LSM14B: variants seen among roughly 807,000 people sequenced by gnomAD.
LSM14B encodes LSM family member 14B.
LSM14B carries 8 observed loss-of-function variants against 42.1 expected under a neutral mutation model. The observed-to-expected ratio is 0.19, with a 90% CI of 0.11 to 0.34. The LOEUF (loss-of-function observed/expected upper bound fraction) is 0.34, where lower values mean the gene tolerates loss of function less well. LSM14B is among the 10% of genes least tolerant of loss of function. The probability of loss-of-function intolerance (pLI) is 1.00; values close to 1 mark genes in which losing one functional copy is unlikely to be tolerated. For missense variants in LSM14B, 396 were observed against 513.1 expected, an observed-to-expected ratio of 0.77 and a Z score of 2.21; for synonymous variants, 219 against 209.7, an observed-to-expected ratio of 1.04 and a Z score of -0.38.
rs139247673 is a variant in LSM14B, at chr20:62,129,916, G to A, written c.559G>A (p.Gly187Ser). Residue 187 changes from glycine (G) to serine (S), a missense_variant, in exon 4 of 9, where the codon GGT becomes AGT. This residue lies in a region of LSM14B where 274 missense variants were observed against 335.8 expected (regional missense o/e 0.82). Transcript: ENST00000279068. ...GKGTTGTQLN[G>S]RQAQPSSKTA... ...GGGCACCACAGGGACGCAGCTCAACGGTCGTCAGGCCCAGCCGAGCAGCAA... is the reference window on the plus strand; with the variant it reads ...GGGCACCACAGGGACGCAGCTCAACAGTCGTCAGGCCCAGCCGAGCAGCAA... The A allele has an allele frequency of 6.6e-3, 10,655 of 1,613,354 alleles. 273 individuals are homozygous for A. The Admixed American group carries it at 0.077, about 12-fold the overall frequency.
At chr20:62,123,008 G>A (rs1280424004) in intron 1 of LSM14B, 7 of 275,410 alleles carry the variant, frequency 2.5e-5, no homozygotes, top group Admixed American at 1.1e-4. Context: ...CCCCAGCGTA[G>A]CCGGCCGCAC....
In LSM14B at chr20:62,130,592, A is replaced by G; in HGVS notation, c.736A>G (p.Thr246Ala). Residue 246 changes from threonine (T) to alanine (A), a missense_variant, in exon 6 of 9, where the codon ACA becomes GCA. Physicochemically the swap from Thr to Ala is moderately conservative, Grantham distance 58. Around this residue, in one of 3 missense-constraint regions of LSM14B, gnomAD observed 274 missense variants for 335.8 expected, o/e 0.82. Coordinates refer to ENST00000279068, the MANE Select transcript of LSM14B (RefSeq NM_144703.3). The surrounding 1 kb of genome is among the most constrained non-coding windows in gnomAD (Gnocchi z 4.1). ...CCGTCCAACTAACGTTAAGGAAAAC[A>G]CAATCAAATTTGAGGGTGACTTTGA... is the stretch of plus-strand genomic sequence containing the variant. The part of the protein sequence containing the change: ...QNRPTNVKEN[T>A]IKFEGDFDFE... The G allele has an allele frequency of 1.9e-6, 3 of 1,614,012 alleles. No individual in the cohort carries two copies. In the South Asian group the frequency reaches 3.3e-5, roughly 18 times the overall value.
In LSM14B at chr20:62,126,294, C is replaced by G; in HGVS notation, c.292-10C>G. ...CCTTCGCCGTTCTCACCCGATGTCT[C>G]GTTGTTCAGTCTTCCCTGGGTTCTG... is the stretch of plus-strand genomic sequence containing the variant. On this transcript the variant is annotated splice_polypyrimidine_tract_variant and intron_variant, in intron 2 of 8. Coordinates refer to ENST00000279068, the MANE Select transcript of LSM14B (RefSeq NM_144703.3). The G allele has an allele frequency of 6.2e-7, 1 of 1,613,962 alleles. No homozygotes were observed. The highest frequency in any genetic ancestry group is 8.5e-7 in the Non-Finnish European group (1 of 1,179,902).
At chr20:62,128,497 T>A (rs1405424213) in intron 3 of LSM14B, among the ~76,000 whole-genome samples, 4 of 152,218 alleles carry the variant, frequency 2.6e-5, no homozygotes, top group Admixed American at 6.5e-5. Context: ...TAGTCTTTTT[T>A]TTTCCCCCAC....
chr20:62,126,172 G>C (rs971918183), intron 2 of LSM14B, 132 bp from the exon 3 acceptor site: 1 of 1,361,736 alleles, frequency 7.3e-7, no homozygotes, highest in African/African-American at 1.4e-5. Flanking sequence ...GCACCCCAAG[G>C]GCTCCTCCAG....
rs2056849834 is a variant in LSM14B, at chr20:62,134,337, T to C, written c.*189T>C. ...ATGGTCTGAGTTAGAACCACTTGTT[T>C]TGGGGAAGTATTCATGGGTAACCTC... is the stretch of plus-strand genomic sequence containing the variant. On this transcript the variant is annotated 3_prime_UTR_variant, in exon 9 of 9. Coordinates refer to ENST00000279068, the MANE Select transcript of LSM14B (RefSeq NM_144703.3). 2.1e-6 allele frequency: 1 copy of C among 471,776 alleles called. No homozygotes were observed. Among genetic ancestry groups the C allele is most frequent in the Admixed American group, 2.3e-5 (1 of 42,558 alleles). The allele number at this position is 471,776 out of a possible 1,614,324, so 29.2% of individuals were successfully genotyped here.
At chr20:62,133,742 G>A (rs769325184) in intron 8 of LSM14B, among the ~76,000 whole-genome samples, 1 of 152,230 alleles carries the variant, frequency 6.6e-6, no homozygotes, top group Non-Finnish European at 1.5e-5. Context: ...CGGGAGTCGC[G>A]TGGGCTGGGG....
intron 1 of LSM14B, chr20:62,123,010 C>A (rs963696051): frequency 1.1e-5 from 3 of 272,714 alleles, no homozygotes; most frequent in Non-Finnish European, 2.0e-5. Flanking sequence ...CCAGCGTAGC[C>A]GGCCGCACAA....
chr20:62,133,924 C>G (rs1163429990), intron 8 of LSM14B, among the ~76,000 whole-genome samples: 1 of 152,260 alleles, frequency 6.6e-6, no homozygotes, highest in African/African-American at 2.4e-5. Context: ...GTGCCAACCC[C>G]ACCCAGCGCC....
At chr20:62,126,526 A>G in intron 3 of LSM14B, 87 bp downstream of exon 3, 2 of 1,502,864 alleles carry the variant, frequency 1.3e-6, no homozygotes, top group South Asian at 1.2e-5. Context: ...GGGGATATGC[A>G]TTCCTGTCAT....
intron 3 of LSM14B, among the ~76,000 whole-genome samples, chr20:62,126,975 C>T (rs556722045): frequency 2.0e-5 from 3 of 151,968 alleles, no homozygotes; most frequent in Non-Finnish European, 4.4e-5. Flanking sequence ...CTAGCCTGAG[C>T]GGCACAGTGA....
intron 3 of LSM14B, among the ~76,000 whole-genome samples, chr20:62,127,081 G>A (rs1183065605): frequency 6.6e-6 from 1 of 152,204 alleles, no homozygotes; most frequent in African/African-American, 2.4e-5. Context: ...ATGAAGTCTA[G>A]CTGTTTGCAC....
At chr20:62,125,330 C>T (rs2056560914) in intron 2 of LSM14B, among the ~76,000 whole-genome samples, 1 of 152,120 alleles carries the variant, frequency 6.6e-6, no homozygotes, top group Non-Finnish European at 1.5e-5. Flanking sequence ...GTTGGGTGTG[C>T]ATGTGCGCGT....
chr20:62,130,237 C>G lies in LSM14B; in HGVS notation c.614C>G (p.Ala205Gly), dbSNP rs371485300. Residue 205 changes from alanine (A) to glycine (G), a missense_variant, in exon 5 of 9, where the codon GCT (alanine) becomes GGT (glycine). Ala to Gly is a moderately conservative substitution (Grantham distance 60). Around this residue, in one of 3 missense-constraint regions of LSM14B, gnomAD observed 274 missense variants for 335.8 expected, o/e 0.82. Transcript: ENST00000279068. The surrounding 1 kb of genome is among the most constrained non-coding windows in gnomAD (Gnocchi z 4.1). ...KTASDVVQPA[A>G]VQAQGQVNDE... ...GCCGTAGATGTAGTCCAGCCGGCAG[C>G]TGTGCAAGCTCAAGGGCAGGTGAAT... is the stretch of plus-strand genomic sequence containing the variant. 192 of 1,604,862 alleles carry G rather than the reference C, an allele frequency of 1.2e-4. No individual in the cohort carries two copies. Among genetic ancestry groups the G allele is most frequent in the Middle Eastern group, 8.3e-4 (5 of 6,050 alleles).
At chr20:62,131,287 G>A in intron 6 of LSM14B, 69 bp from the exon 7 acceptor site, 6 of 1,517,038 alleles carry the variant, frequency 4.0e-6, no homozygotes, top group Non-Finnish European at 5.3e-6. Flanking sequence ...AGCCCGGAGG[G>A]ACCACCCTGC....
intron 2 of LSM14B, 59 bp downstream of exon 2, chr20:62,124,839 C>T: frequency 2.6e-6 from 4 of 1,519,812 alleles, no homozygotes; most frequent in East Asian, 2.4e-5. Flanking sequence ...CCATTTGGAG[C>T]TTGGTGGCAT....
intron 7 of LSM14B, among the ~76,000 whole-genome samples, chr20:62,131,989 G>A (rs1014079854): frequency 2.6e-5 from 4 of 152,246 alleles, no homozygotes; most frequent in African/African-American, 9.6e-5. Flanking sequence ...GTCCCGCGAA[G>A]CACCCTAGGG....
chr20:62,127,844 A>T, intron 3 of LSM14B: 1 of 729,642 alleles, frequency 1.4e-6, no homozygotes, highest in Non-Finnish European at 2.5e-6. Flanking sequence ...TTGCTTCAGC[A>T]TGTAGTCCTG....
chr20:62,130,936 C>G lies in LSM14B; in HGVS notation c.835+245C>G, dbSNP rs766187773. Among the ~76,000 whole-genome samples, 2 of 152,066 alleles carry G rather than the reference C, an allele frequency of 1.3e-5. No individual in the cohort carries two copies. The highest frequency in any genetic ancestry group is 4.8e-5 in the African/African-American group (2 of 41,392). The stretch of plus-strand genomic sequence containing the variant: ...GTGGGCGCCTGTAATCCCAGCTACT[C>G]GGGAGACTGAGACAGGAGAATCGTT... On this transcript the variant is annotated intron_variant, in intron 6 of 8. Transcript: ENST00000279068. The surrounding 1 kb of genome is among the most constrained non-coding windows in gnomAD (Gnocchi z 4.1).
Sources: allele counts gnomAD v4.1 joint callset (sites outside exome capture counted in the v4.1 genomes callset), GRCh38; gene constraint gnomAD v4.1.1; regional missense constraint gnomAD v4.1.1; non-coding constraint Gnocchi (gnomAD v3.1); transcripts MANE v1.5; gene names NCBI Gene and HGNC (gene_info 2026-07-23, HGNC 2026-07-21).